Variants in PGGT1B observed in about 807,000 individuals in gnomAD.
The protein encoded by PGGT1B is geranylgeranyl transferase type-1 subunit beta.
PGGT1B carries 30 observed loss-of-function variants against 46.1 expected under a neutral mutation model. The ratio of observed to expected loss-of-function variants is 0.65; its 90% CI spans 0.49 to 0.88. PGGT1B has a LOEUF of 0.88. Among genes scored for constraint, PGGT1B ranks in the 40% least tolerant of loss-of-function variants. The pLI is 0.00. For missense variants in PGGT1B, 376 were observed against 455.9 expected, an observed-to-expected ratio of 0.82 and a Z score of 1.60; for synonymous variants, 170 against 160.0, an observed-to-expected ratio of 1.06 and a Z score of -0.47.
At chr5:115,213,878 GAAATGA>G (rs1756324507) in intron 8 of PGGT1B, among the ~76,000 whole-genome samples, 1 of 152,188 alleles carries the variant, frequency 6.6e-6, no homozygotes, top group Admixed American at 6.5e-5. Context: ...TTTCAAAACA[GAAATGA>G]CAAATAGCTG....
At chr5:115,218,329 A>C (rs1273256577) in intron 7 of PGGT1B, among the ~76,000 whole-genome samples, 1 of 150,512 alleles carries the variant, frequency 6.6e-6, no homozygotes, top group Non-Finnish European at 1.5e-5. Flanking sequence ...AATAAAAAAG[A>C]CTTGGGACAA....
At chr5:115,240,207 G>A (rs889166114) in intron 3 of PGGT1B, among the ~76,000 whole-genome samples, 1 of 152,116 alleles carries the variant, frequency 6.6e-6, no homozygotes, top group Admixed American at 6.5e-5. Context: ...GTCCAAAAAG[G>A]AGTTTCAGGA....
intron 8 of PGGT1B, among the ~76,000 whole-genome samples, chr5:115,215,263 TG>T (rs1756378975): frequency 6.6e-6 from 1 of 152,068 alleles, no homozygotes; most frequent in South Asian, 2.1e-4. Context: ...CTCCCAAAGC[TG>T]GGATTACAGG....
In PGGT1B at chr5:115,212,346, T is replaced by C; in HGVS notation, c.*56A>G. 17 of 1,607,228 alleles carry C rather than the reference T, an allele frequency of 1.1e-5. No homozygotes were observed. The highest frequency in any genetic ancestry group is 4.5e-5 in the East Asian group (2 of 44,740). ...AGCACACTTGGTTATACATGGCTTT[T>C]AAACTTGAGCTACAGTTATGCTACA... On this transcript the variant is annotated 3_prime_UTR_variant, in exon 9 of 9. Coordinates refer to ENST00000419445, the MANE Select transcript of PGGT1B (RefSeq NM_005023.4).
chr5:115,238,889 T>C lies in PGGT1B; in HGVS notation c.328-880A>G, dbSNP rs994464876. 7.2e-5 allele frequency among the ~76,000 whole-genome samples: 11 copies of C among 152,324 alleles called. 1 individual carries two copies. Among genetic ancestry groups the C allele is most frequent in the Admixed American group, 2.0e-4 (3 of 15,306 alleles). ...AATATCAGACGGACCACTAGTTCTT[T>C]GGAGTCAAGATCCAAGGGTCTTGAA... On this transcript the variant is annotated intron_variant, in intron 3 of 8. Coordinates refer to ENST00000419445, the MANE Select transcript of PGGT1B (RefSeq NM_005023.4).
At chr5:115,254,158 T>C (rs1748214937) in intron 1 of PGGT1B, among the ~76,000 whole-genome samples, 1 of 152,084 alleles carries the variant, frequency 6.6e-6, no homozygotes, top group Non-Finnish European at 1.5e-5. Context: ...AGCCTTAATG[T>C]CCTGAGGTAT....
chr5:115,224,930 T>A (rs1434991629), intron 6 of PGGT1B, among the ~76,000 whole-genome samples: 1 of 151,810 alleles, frequency 6.6e-6, no homozygotes, highest in Non-Finnish European at 1.5e-5. Flanking sequence ...ATAAGTAGAT[T>A]ACAAAATTCT....
In PGGT1B at chr5:115,205,513, A is replaced by C. The variant is rs757143413; in HGVS notation, c.*6889T>G. ...GTTAAAAAAATGTGGCATAAAAAGA[A>C]TGTTATTTCTGGAGACAGAAAACAT... On this transcript the variant is annotated 3_prime_UTR_variant, in exon 9 of 9. Coordinates refer to ENST00000419445, the MANE Select transcript of PGGT1B (RefSeq NM_005023.4). 6 of 152,164 alleles carry C rather than the reference A, an allele frequency of 3.9e-5. No individual in the cohort carries two copies. Among genetic ancestry groups the C allele is most frequent in the Admixed American group, 3.9e-4 (6 of 15,264 alleles). The allele number at this position is 152,164 out of a possible 1,614,324, so 9.4% of individuals were successfully genotyped here.
rs1477891305 is a variant in PGGT1B at position 115,216,786 on chromosome 5, A to C, written c.952+79T>G. On this transcript the variant is annotated intron_variant, in intron 8 of 8. Transcript: ENST00000419445. ...TTTGCAACTGGATATATTTTCTATC[A>C]TATGCCTTTTCTGATAAAGATGCTT... 8 of 755,456 alleles carry C rather than the reference A, an allele frequency of 1.1e-5. No homozygotes were observed. In the Admixed American group the frequency reaches 1.8e-4, roughly 17 times the overall value. The allele number at this position is 755,456 out of a possible 1,614,324, so 46.8% of individuals were successfully genotyped here.
At chr5:115,226,772 A>G (rs955004535) in intron 6 of PGGT1B, among the ~76,000 whole-genome samples, 5 of 152,086 alleles carry the variant, frequency 3.3e-5, no homozygotes, top group African/African-American at 1.2e-4. Context: ...GGTAAGTACC[A>G]TAAAAATGGC....
chr5:115,259,080 A>G (rs1238213775), intron 1 of PGGT1B, among the ~76,000 whole-genome samples: 4 of 152,244 alleles, frequency 2.6e-5, no homozygotes, highest in Non-Finnish European at 1.5e-5. Context: ...TAAAAATACA[A>G]TGACCCAGGC....
At chr5:115,240,862 C>T (rs1217777329) in intron 3 of PGGT1B, among the ~76,000 whole-genome samples, 1 of 152,152 alleles carries the variant, frequency 6.6e-6, no homozygotes. Context: ...CTTTTCTCCA[C>T]TTTCTACTGT....
chr5:115,220,243 T>C (rs1756546377), intron 7 of PGGT1B, among the ~76,000 whole-genome samples: 1 of 151,918 alleles, frequency 6.6e-6, no homozygotes, highest in Non-Finnish European at 1.5e-5. Context: ...GTGGTATTCA[T>C]ATACAATGGA....
chr5:115,220,588 C>A (rs1310769152), intron 7 of PGGT1B, among the ~76,000 whole-genome samples: 1 of 151,876 alleles, frequency 6.6e-6, no homozygotes, highest in East Asian at 1.9e-4. Flanking sequence ...AATGTTTAAA[C>A]TGTTAGTATA....
chr5:115,233,867 G>A (rs1032916786), intron 5 of PGGT1B, among the ~76,000 whole-genome samples: 2 of 151,910 alleles, frequency 1.3e-5, no homozygotes, highest in Non-Finnish European at 2.9e-5. Flanking sequence ...ATCCTTTTTG[G>A]AGAGAAAATG....
chr5:115,254,543 T>A (rs1332949366), intron 1 of PGGT1B, among the ~76,000 whole-genome samples: 2 of 151,934 alleles, frequency 1.3e-5, no homozygotes, highest in Admixed American at 6.6e-5. Flanking sequence ...GATTTTTGGA[T>A]TAGGGATGCT....
At position 115,210,915 on chromosome 5, in the gene PGGT1B, T is replaced by C. The variant is rs552913759; in HGVS notation, c.*1487A>G. The C allele has an allele frequency of 7.9e-4, 120 of 152,190 alleles. No individual in the cohort carries two copies. The highest frequency in any genetic ancestry group is 2.7e-3 in the African/African-American group (114 of 41,566). The allele number at this position is 152,190 out of a possible 1,614,324, so 9.4% of individuals were successfully genotyped here. A position where few individuals can be genotyped will look rare whatever the true frequency, so the allele number is the denominator to read the frequency against. The stretch of plus-strand genomic sequence containing the variant: ...AAACATACAGTTGGCAAACTCAGGT[T>C]TAAAACTAAGCATGCCAATAATAAA... On this transcript the variant is annotated 3_prime_UTR_variant, in exon 9 of 9. Coordinates refer to ENST00000419445, the MANE Select transcript of PGGT1B (RefSeq NM_005023.4).
intron 1 of PGGT1B, among the ~76,000 whole-genome samples, chr5:115,255,194 G>A (rs267305): frequency 1.3e-5 from 2 of 152,056 alleles, no homozygotes; most frequent in African/African-American, 2.4e-5. Flanking sequence ...GAGTAACAAC[G>A]ACTTTAGGAT....
Position 115,205,392 on chromosome 5 carries a change from C to T in PGGT1B, c.*7010G>A, listed in dbSNP as rs1481741569. 6.6e-6 allele frequency: 1 copy of T among 151,996 alleles called. No individual in the cohort carries two copies. The highest frequency in any genetic ancestry group is 1.5e-5 in the Non-Finnish European group (1 of 67,964). The allele number at this position is 151,996 out of a possible 1,614,324, so 9.4% of individuals were successfully genotyped here. A position where few individuals can be genotyped will look rare whatever the true frequency, so the allele number is the denominator to read the frequency against. On this transcript the variant is annotated 3_prime_UTR_variant, in exon 9 of 9. Transcript: ENST00000419445. ...GAATCCCACATACAATTTTAATGGCCACCCTTAATTTAGTTAGAGCCTCAA... is the reference window on the plus strand; with the variant it reads ...GAATCCCACATACAATTTTAATGGCTACCCTTAATTTAGTTAGAGCCTCAA...
Sources: gnomAD v4.1 joint callset for allele counts (sites outside exome capture counted in the v4.1 genomes callset) on GRCh38, gnomAD v4.1.1 for gene constraint, MANE v1.5 for transcripts, NCBI Gene and HGNC (gene_info 2026-07-23, HGNC 2026-07-21) for gene names.